ZMYND8: variants seen among roughly 807,000 people sequenced by gnomAD.
ZMYND8 encodes the protein MYND-type zinc finger-containing chromatin reader ZMYND8.
In ZMYND8, 37 loss-of-function variants were observed where a neutral mutation model predicts 140.8. The ratio of observed to expected loss-of-function variants is 0.26; its 90% CI spans 0.20 to 0.35. The LOEUF (loss-of-function observed/expected upper bound fraction) is 0.35. ZMYND8 is among the 10% of genes least tolerant of loss of function. ZMYND8 has a pLI of 1.00. For synonymous variants in ZMYND8, 592 were observed against 597.1 expected (o/e 0.99, Z 0.12); for missense variants, 1,068 against 1,570.0 (o/e 0.68, Z 5.40).
In ZMYND8 at chr20:47,283,765, C is replaced by G. The variant is rs186793707; in HGVS notation, c.805-117G>C. 73 of 983,104 alleles carry G rather than the reference C, an allele frequency of 7.4e-5. No homozygotes were observed. In the East Asian group the frequency reaches 2.0e-3, roughly 26 times the overall value. The allele number at this position is 983,104 out of a possible 1,614,324, so 60.9% of individuals were successfully genotyped here. ...GTTTTAAAGTCCCATAGAGGGAACA[C>G]CTTGGAGATGAATCCAACCACTATG... On this transcript the variant is annotated intron_variant, in intron 8 of 22. Transcript: ENST00000471951.
In ZMYND8 at chr20:47,224,238, G is replaced by A; in HGVS notation, c.3256+79C>T. On this transcript the variant is annotated intron_variant, in intron 19 of 22. Coordinates refer to ENST00000471951, the MANE Select transcript of ZMYND8 (RefSeq NM_001281775.3). ...GCAAGCTCCCTTGACAATTAGCCCT[G>A]AGACCCCTGAAGTCCACAGGGGAGA... is the stretch of plus-strand genomic sequence containing the variant. 2.5e-6 allele frequency: 4 copies of A among 1,580,928 alleles called. No individual in the cohort carries two copies. In the South Asian group the frequency reaches 3.5e-5, roughly 14 times the overall value.
intron 7 of ZMYND8, among the ~76,000 whole-genome samples, chr20:47,289,250 C>A (rs536248336): frequency 6.6e-6 from 1 of 152,064 alleles, no homozygotes; most frequent in Non-Finnish European, 1.5e-5. Context: ...ATTAAAACAT[C>A]GTGACATAAT....
At chr20:47,238,052 C>T (rs771630994) in intron 15 of ZMYND8, 2 of 152,262 alleles carry the variant, frequency 1.3e-5, no homozygotes, top group Non-Finnish European at 2.9e-5. Context: ...AAAATAACTC[C>T]AAGAGGTTCC....
chr20:47,266,790 C>A (rs1292848819), intron 11 of ZMYND8, among the ~76,000 whole-genome samples: 1 of 152,130 alleles, frequency 6.6e-6, no homozygotes, highest in Non-Finnish European at 1.5e-5. Flanking sequence ...TCTTATCTTA[C>A]TATTCCTTTT....
In ZMYND8 at chr20:47,327,907, T is replaced by C. The variant is rs558878497; in HGVS notation, c.86-17703A>G. On this transcript the variant is annotated intron_variant, in intron 2 of 22. Transcript: ENST00000471951. ...ACAGCTCACTGCAGCCTTGACCTCC[T>C]GGGCTCAAGTGATCCTCCGGCCTCA... Among the ~76,000 whole-genome samples the C allele has an allele frequency of 1.1e-4, 16 of 152,298 alleles. 1 individual carries two copies. The South Asian group carries it at 1.5e-3, about 14-fold the overall frequency.
At chr20:47,217,878 C>G (rs1011476190) in intron 21 of ZMYND8, among the ~76,000 whole-genome samples, 54 of 152,066 alleles carry the variant, frequency 3.6e-4, no homozygotes, top group African/African-American at 1.3e-3. Flanking sequence ...GCTCGCCCCC[C>G]TCTTCCCCCC....
At chr20:47,281,999 A>G (rs890415366) in intron 10 of ZMYND8, 103 bp downstream of exon 10, 3 of 950,522 alleles carry the variant, frequency 3.2e-6, no homozygotes, top group Non-Finnish European at 4.8e-6. Flanking sequence ...GTATCATGAC[A>G]ATAATGAGAA....
In ZMYND8 at chr20:47,221,429, G is replaced by A; in HGVS notation, c.3302C>T (p.Thr1101Ile). Reference sequence around the variant, plus strand: ...GCTCCCCTGGGAGGACTTATTTAGTGTTTCTGTGTTCACCTCAGCATCCGC... The same window carrying A: ...GCTCCCCTGGGAGGACTTATTTAGTATTTCTGTGTTCACCTCAGCATCCGC... ...QEADAEVNTE[T>I]LNKSSQGSSS... Residue 1101 changes from threonine to isoleucine, a missense_variant, in exon 20 of 23, where the codon ACA (threonine) becomes ATA (isoleucine). Physicochemically the swap from Thr to Ile is moderately conservative, Grantham distance 89. Around this residue, in one of 10 missense-constraint regions of ZMYND8, gnomAD observed 180 missense variants for 187.8 expected, o/e 0.96. Coordinates refer to ENST00000471951, the MANE Select transcript of ZMYND8 (RefSeq NM_001281775.3). 6.2e-7 allele frequency: 1 copy of A among 1,614,176 alleles called. No homozygotes were observed. Among genetic ancestry groups the A allele is most frequent in the Non-Finnish European group, 8.5e-7 (1 of 1,180,028 alleles).
intron 7 of ZMYND8, 28 bp from the exon 8 acceptor site, chr20:47,287,312 T>G: frequency 6.3e-7 from 1 of 1,594,406 alleles, no homozygotes; most frequent in Non-Finnish European, 8.6e-7. Context: ...CAGGATTAAT[T>G]CTAATGGAAA....
intron 16 of ZMYND8, among the ~76,000 whole-genome samples, chr20:47,234,926 G>A (rs2039012748): frequency 6.6e-6 from 1 of 152,066 alleles, no homozygotes; most frequent in Non-Finnish European, 1.5e-5. Flanking sequence ...GATCACTTGA[G>A]GCCAGGAGTT....
In ZMYND8 at chr20:47,220,292, G is replaced by A. The variant is rs372663218; in HGVS notation, c.3450C>T (p.Pro1150=). 7.7e-6 allele frequency: 12 copies of A among 1,565,122 alleles called. No individual in the cohort carries two copies. In the African/African-American group the frequency reaches 1.6e-4, roughly 21 times the overall value. ...TLDLSGSRET[P]SSILLGSNQG... is the part of the protein sequence containing the mutation. ...GGTTGGAGCCTAAGAGAATGGAGGAGGGCGTCTCTCTGGAGCCAGAAAGGT... is the reference window on the plus strand; with the variant it reads ...GGTTGGAGCCTAAGAGAATGGAGGAAGGCGTCTCTCTGGAGCCAGAAAGGT... The change falls in exon 21 of 23, where the codon CCC becomes CCT. Residue 1150 remains proline, a synonymous_variant. Transcript: ENST00000471951.
chr20:47,269,573 C>T (rs897098561), intron 11 of ZMYND8, among the ~76,000 whole-genome samples: 1 of 152,340 alleles, frequency 6.6e-6, no homozygotes, highest in Admixed American at 6.5e-5. Flanking sequence ...TTTTGATGTA[C>T]AATTCACAAG....
chr20:47,334,178 C>T (rs1024815950), intron 2 of ZMYND8, among the ~76,000 whole-genome samples: 1 of 152,124 alleles, frequency 6.6e-6, no homozygotes. Context: ...TGTTTACCCT[C>T]GTGATCATGT....
At chr20:47,229,469 G>A (rs1400973240) in intron 17 of ZMYND8, among the ~76,000 whole-genome samples, 1 of 152,162 alleles carries the variant, frequency 6.6e-6, no homozygotes, top group African/African-American at 2.4e-5. Flanking sequence ...AGTTTCACCA[G>A]TAGGTTAACT....
At chr20:47,318,841 G>A (rs757692261) in intron 2 of ZMYND8, 7 of 774,996 alleles carry the variant, frequency 9.0e-6, no homozygotes, top group Non-Finnish European at 1.4e-5. Context: ...ATGAGGCTGT[G>A]GAATGAAAGG....
chr20:47,266,931 G>C (rs186385449), intron 11 of ZMYND8, among the ~76,000 whole-genome samples: 68 of 152,130 alleles, frequency 4.5e-4, no homozygotes, highest in Non-Finnish European at 1.3e-4. Context: ...ATTGAAAATA[G>C]GTACACAAAC....
At chr20:47,288,831 G>C (rs1000042682) in intron 7 of ZMYND8, among the ~76,000 whole-genome samples, 1 of 152,194 alleles carries the variant, frequency 6.6e-6, no homozygotes, top group Non-Finnish European at 1.5e-5. Context: ...GGCTGGCGTG[G>C]TCTCTAATGC....
rs143066462 is a variant in ZMYND8 at position 47,336,740 on chromosome 20, A to G, written c.85+11116T>C. Among the ~76,000 whole-genome samples the G allele has an allele frequency of 4.8e-3, 726 of 152,302 alleles. 7 individuals are homozygous for G. The highest frequency in any genetic ancestry group is 0.017 in the African/African-American group (691 of 41,562). ...TTCACGCATGATCTTTAGAGAAGCC[A>G]GTCTACACAGACCACATTTCTAAAT... On this transcript the variant is annotated intron_variant, in intron 2 of 22. Coordinates refer to ENST00000471951, the MANE Select transcript of ZMYND8 (RefSeq NM_001281775.3).
chr20:47,355,325 C>A, intron 1 of ZMYND8: 1 of 441,250 alleles, frequency 2.3e-6, no homozygotes, highest in Non-Finnish European at 3.0e-6. Flanking sequence ...TTAAAAAGCC[C>A]TTATTTTGTT....
Sources: allele counts gnomAD v4.1 joint callset (sites outside exome capture counted in the v4.1 genomes callset), GRCh38; gene constraint gnomAD v4.1.1; regional missense constraint gnomAD v4.1.1; transcripts MANE v1.5; gene names NCBI Gene and HGNC (gene_info 2026-07-23, HGNC 2026-07-21).